NALF1: variants seen among roughly 807,000 people sequenced by gnomAD.
NALF1 encodes the protein family with sequence similarity 155 member A.
NALF1 carries 3 observed loss-of-function variants against 48.4 expected under a neutral mutation model. The observed-to-expected ratio is 0.06, with a 90% CI of 0.03 to 0.16. NALF1 has a LOEUF of 0.16. NALF1 is among the 10% of genes least tolerant of loss of function. NALF1 has a pLI of 1.00. For missense variants in NALF1, 526 were observed against 571.5 expected, an observed-to-expected ratio of 0.92 and a Z score of 0.81; for synonymous variants, 262 against 245.7, an observed-to-expected ratio of 1.07 and a Z score of -0.62.
At chr13:107,461,564 A>C (rs1884918939) in intron 1 of NALF1, among the ~76,000 whole-genome samples, 1 of 152,190 alleles carries the variant, frequency 6.6e-6, no homozygotes, top group African/African-American at 2.4e-5. Flanking sequence ...AAAATGAAAA[A>C]TCATATTCTT....
chr13:107,408,389 C>A (rs937586357), intron 1 of NALF1, among the ~76,000 whole-genome samples: 4 of 151,944 alleles, frequency 2.6e-5, no homozygotes, highest in Non-Finnish European at 5.9e-5. Flanking sequence ...CCTCATGTAA[C>A]CCATAAATAT....
intron 1 of NALF1, among the ~76,000 whole-genome samples, chr13:107,721,241 T>C (rs889453839): frequency 9.2e-5 from 14 of 151,840 alleles, no homozygotes; most frequent in Non-Finnish European, 1.8e-4. Context: ...TTGTATGAAA[T>C]GAAGTTAATA....
chr13:107,863,654 C>T (rs1182562753), intron 1 of NALF1, among the ~76,000 whole-genome samples: 1 of 152,132 alleles, frequency 6.6e-6, no homozygotes, highest in African/African-American at 2.4e-5. Context: ...TTTGTGCCTA[C>T]AATTAACTTC....
chr13:107,289,742 T>C (rs1259628834), intron 1 of NALF1, among the ~76,000 whole-genome samples: 9 of 152,196 alleles, frequency 5.9e-5, no homozygotes, highest in Non-Finnish European at 1.3e-4. Flanking sequence ...TAAAACGAGC[T>C]ATTTCCTGGA....
At chr13:107,518,909 G>T (rs1876146965) in intron 1 of NALF1, among the ~76,000 whole-genome samples, 1 of 152,188 alleles carries the variant, frequency 6.6e-6, no homozygotes, top group South Asian at 2.1e-4. Flanking sequence ...GGATTGAAAT[G>T]CCAAGTGAAC....
At chr13:107,400,486 C>A (rs113113671) in intron 1 of NALF1, among the ~76,000 whole-genome samples, 1 of 151,876 alleles carries the variant, frequency 6.6e-6, no homozygotes, top group South Asian at 2.1e-4. Context: ...GAGGCTGAGG[C>A]GGGCAGATCA....
chr13:107,855,974 T>C (rs1206727608), intron 1 of NALF1, among the ~76,000 whole-genome samples: 1 of 151,378 alleles, frequency 6.6e-6, no homozygotes, highest in Non-Finnish European at 1.5e-5. Context: ...GTGGCACGAA[T>C]ACTGCTCATT....
chr13:107,687,880 C>A (rs546352221), intron 1 of NALF1, among the ~76,000 whole-genome samples: 1 of 152,296 alleles, frequency 6.6e-6, no homozygotes, highest in East Asian at 1.9e-4. Flanking sequence ...TCCATCAGTG[C>A]AGAGATGTCT....
At chr13:107,798,859 A>G (rs1296573088) in intron 1 of NALF1, among the ~76,000 whole-genome samples, 5 of 152,238 alleles carry the variant, frequency 3.3e-5, no homozygotes, top group African/African-American at 1.2e-4. Context: ...ATTGTAGAAC[A>G]AAACGCAACT....
intron 1 of NALF1, among the ~76,000 whole-genome samples, chr13:107,621,536 T>G (rs542741929): frequency 6.6e-6 from 1 of 152,320 alleles, no homozygotes; most frequent in African/African-American, 2.4e-5. Flanking sequence ...CTATCCCAAC[T>G]TAACATGCTA....
intron 1 of NALF1, among the ~76,000 whole-genome samples, chr13:107,819,726 G>GTCTCTC (rs141973692): frequency 1.6e-5 from 2 of 121,534 alleles, no homozygotes; most frequent in African/African-American, 6.0e-5. Flanking sequence ...TCTGGAAACT[G>GTCTCTC]TCTCTCTCTC....
intron 1 of NALF1, among the ~76,000 whole-genome samples, chr13:107,601,283 A>G (rs1393130294): frequency 1.3e-5 from 2 of 152,190 alleles, no homozygotes; most frequent in African/African-American, 4.8e-5. Flanking sequence ...GTGGATTCCA[A>G]TGTAAGAATT....
intron 1 of NALF1, among the ~76,000 whole-genome samples, chr13:107,811,538 A>G (rs1878991742): frequency 6.6e-6 from 1 of 152,184 alleles, no homozygotes; most frequent in Non-Finnish European, 1.5e-5. Context: ...GGAAATGCAT[A>G]TTATTAATCT....
At chr13:107,180,510 TATAAA>T (rs1566443194) in intron 2 of NALF1, among the ~76,000 whole-genome samples, 1 of 152,052 alleles carries the variant, frequency 6.6e-6, no homozygotes, top group Non-Finnish European at 1.5e-5. Context: ...ACTTTAAAAT[TATAAA>T]ATAATTCTGA....
At chr13:107,816,618 G>C (rs1879171454) in intron 1 of NALF1, among the ~76,000 whole-genome samples, 1 of 152,090 alleles carries the variant, frequency 6.6e-6, no homozygotes, top group Non-Finnish European at 1.5e-5. Flanking sequence ...TGAGGACACA[G>C]AGCCAAACCA....
chr13:107,773,513 G>C (rs16971097), intron 1 of NALF1, among the ~76,000 whole-genome samples: 2,943 of 152,008 alleles, frequency 0.019, 103 homozygotes, highest in African/African-American at 0.067. Context: ...TCTTATTCTT[G>C]TCCTAATTCT....
rs137937108 is a variant in NALF1, at chr13:107,415,951, A to G, written c.916-205196T>C. On this transcript the variant is annotated intron_variant, in intron 1 of 2. Coordinates refer to ENST00000375915, the MANE Select transcript of NALF1 (RefSeq NM_001080396.3). ...CTACTTCCCGGTGTTTTCTACAACT[A>G]TATTTGTCCCTTGAACAACACAGGT... Among the ~76,000 whole-genome samples the G allele has an allele frequency of 1.6e-4, 25 of 152,210 alleles. No individual in the cohort carries two copies. In the East Asian group the frequency reaches 4.8e-3, roughly 29 times the overall value.
chr13:107,535,740 T>C (rs539062194), intron 1 of NALF1, among the ~76,000 whole-genome samples: 1 of 152,276 alleles, frequency 6.6e-6, no homozygotes, highest in South Asian at 2.1e-4. Flanking sequence ...AAAGTTTATA[T>C]GGAACCAAAA....
chr13:107,757,970 A>G (rs1429381451), intron 1 of NALF1, among the ~76,000 whole-genome samples: 1 of 152,094 alleles, frequency 6.6e-6, no homozygotes, highest in African/African-American at 2.4e-5. Context: ...TCCACTATCA[A>G]TTGTTCAGGG....
Sources: gnomAD v4.1 joint callset for allele counts (sites outside exome capture counted in the v4.1 genomes callset) on GRCh38, gnomAD v4.1.1 for gene constraint, MANE v1.5 for transcripts, NCBI Gene and HGNC (gene_info 2026-07-23, HGNC 2026-07-21) for gene names.